The following REPS1 variants were observed in gnomAD, a reference collection of about 807,000 sequenced individuals.
REPS1 encodes the protein ralBP1-associated Eps domain-containing protein 1.
Under a neutral mutation model 100.9 loss-of-function variants are expected in REPS1, and 39 were observed. The observed-to-expected ratio is 0.39, with a 90% CI of 0.30 to 0.50. The LOEUF (loss-of-function observed/expected upper bound fraction) is 0.50. Among genes scored for constraint, REPS1 ranks in the 20% least tolerant of loss-of-function variants. REPS1 has a pLI of 0.86. For missense variants in REPS1, 821 were observed against 968.5 expected (o/e 0.85, Z 2.02); for synonymous variants, 324 against 340.3 (o/e 0.95, Z 0.53).
rs1047870020 is a variant in REPS1 at position 138,926,656 on chromosome 6, T to C, written c.1258-175A>G. 7.1e-6 allele frequency: 4 copies of C among 564,232 alleles called. No homozygotes were observed. In the East Asian group the frequency reaches 1.2e-4, roughly 17 times the overall value. 35.0% of individuals were successfully genotyped at this position (564,232 alleles called of 1,614,324 possible). A position where few individuals can be genotyped will look rare whatever the true frequency, so the allele number is the denominator to read the frequency against. ...ACATTTTATATTTATTCTGGGTCACTTGTAATGTAAGGTGAGGAGTTCACA... is the reference window on the plus strand; with the variant it reads ...ACATTTTATATTTATTCTGGGTCACCTGTAATGTAAGGTGAGGAGTTCACA... On this transcript the variant is annotated intron_variant, in intron 9 of 19. Coordinates refer to ENST00000450536, the MANE Select transcript of REPS1 (RefSeq NM_001286611.2).
At chr6:138,983,927 T>C (rs1400613830) in intron 1 of REPS1, among the ~76,000 whole-genome samples, 1 of 152,202 alleles carries the variant, frequency 6.6e-6, no homozygotes, top group African/African-American at 2.4e-5. Context: ...CATTGTCTCT[T>C]TTAAAAAGTA....
intron 8 of REPS1, among the ~76,000 whole-genome samples, chr6:138,936,624 G>C (rs900320927): frequency 8.8e-5 from 12 of 135,800 alleles, no homozygotes; most frequent in African/African-American, 2.2e-4. Context: ...AGTATGTTTG[G>C]GGGGGGGTAG....
At position 138,947,035 on chromosome 6, in the gene REPS1, G is replaced by GCTCTCTCTCT. The variant is rs10581264; in HGVS notation, c.277+745_277+754dup. Among the ~76,000 whole-genome samples, 335 of 137,684 alleles carry GCTCTCTCTCT rather than the reference G, an allele frequency of 2.4e-3. 2 individuals carry two copies. The highest frequency in any genetic ancestry group is 7.5e-3 in the Middle Eastern group (2 of 266). 90.3% of individuals were successfully genotyped at this position (137,684 alleles called of 152,430 possible). ...TAAATGTCTGTGGCTATTCCCCCTT[G>GCTCTCTCTCT]CTCTCTCTCTCTCTCTCTCTCTCTC... On this transcript the variant is annotated intron_variant, in intron 2 of 19. Coordinates refer to ENST00000450536, the MANE Select transcript of REPS1 (RefSeq NM_001286611.2).
chr6:138,964,920 T>G (rs1026443291), intron 1 of REPS1, among the ~76,000 whole-genome samples: 1 of 152,134 alleles, frequency 6.6e-6, no homozygotes, highest in African/African-American at 2.4e-5. Flanking sequence ...TCACTCTATC[T>G]GCTATAGAAG....
chr6:138,980,517 T>C (rs1431782723), intron 1 of REPS1, among the ~76,000 whole-genome samples: 1 of 151,726 alleles, frequency 6.6e-6, no homozygotes, highest in African/African-American at 2.4e-5. Context: ...CCCAGTTCTC[T>C]CTATATGAAA....
At chr6:138,985,129 T>C (rs906942790) in intron 1 of REPS1, among the ~76,000 whole-genome samples, 2 of 152,206 alleles carry the variant, frequency 1.3e-5, no homozygotes, top group African/African-American at 4.8e-5. Context: ...TATTCTGTTA[T>C]CCCGAAAACA....
chr6:138,914,360 A>G (rs891382022), intron 15 of REPS1, among the ~76,000 whole-genome samples: 4 of 152,318 alleles, frequency 2.6e-5, no homozygotes, highest in African/African-American at 4.8e-5. Flanking sequence ...GGTGTGAACC[A>G]CTGCACCCAG....
chr6:138,921,814 G>A (rs1780782864), intron 10 of REPS1, among the ~76,000 whole-genome samples: 1 of 151,862 alleles, frequency 6.6e-6, no homozygotes, highest in Admixed American at 6.6e-5. Context: ...CTGACCTTGT[G>A]ATCCGCCCGC....
intron 1 of REPS1, among the ~76,000 whole-genome samples, chr6:138,948,140 G>A (rs1015097698): frequency 1.6e-4 from 25 of 152,098 alleles, no homozygotes; most frequent in African/African-American, 6.0e-4. Context: ...AAATCCATAT[G>A]ATTAGCAATT....
At chr6:138,926,295 C>T (rs566135413) in intron 10 of REPS1, 106 bp downstream of exon 10, 92 of 814,688 alleles carry the variant, frequency 1.1e-4, no homozygotes, top group Non-Finnish European at 1.8e-4. Context: ...CGCCACTTCC[C>T]TCTAAGCACT....
In REPS1 at chr6:138,934,882, A is replaced by T. The variant is rs535222432; in HGVS notation, c.1136-4784T>A. Among the ~76,000 whole-genome samples, 3 of 152,364 alleles carry T rather than the reference A, an allele frequency of 2.0e-5. No individual in the cohort carries two copies. In the South Asian group the frequency reaches 6.2e-4, roughly 32 times the overall value. On this transcript the variant is annotated intron_variant, in intron 8 of 19. Coordinates refer to ENST00000450536, the MANE Select transcript of REPS1 (RefSeq NM_001286611.2). ...AGAGTATTATTCTTGTAAGAAAAAAATACGGAAAATGAAAAACAATCGAGT... is the reference window on the plus strand; with the variant it reads ...AGAGTATTATTCTTGTAAGAAAAAATTACGGAAAATGAAAAACAATCGAGT...
At chr6:138,979,259 C>G (rs1784798060) in intron 1 of REPS1, among the ~76,000 whole-genome samples, 1 of 150,892 alleles carries the variant, frequency 6.6e-6, no homozygotes, top group East Asian at 1.9e-4. Flanking sequence ...AGTCAGGATC[C>G]TGACCACTCC....
chr6:138,984,090 T>C (rs964411893), intron 1 of REPS1, among the ~76,000 whole-genome samples: 4 of 150,648 alleles, frequency 2.7e-5, no homozygotes, highest in African/African-American at 9.8e-5. Flanking sequence ...TTTTTTTTTT[T>C]TTTTTTTGAG....
intron 1 of REPS1, among the ~76,000 whole-genome samples, chr6:138,967,521 T>C (rs1674808689): frequency 6.6e-6 from 1 of 152,218 alleles, no homozygotes; most frequent in Non-Finnish European, 1.5e-5. Context: ...CTGGGATTTA[T>C]TAGTGTCTTC....
At position 138,988,094 on chromosome 6, in the gene REPS1, C is replaced by T. The variant is rs930135528; in HGVS notation, c.-412G>A. The T allele has an allele frequency of 5.0e-6, 2 of 397,960 alleles. No homozygotes were observed. Among genetic ancestry groups the T allele is most frequent in the Admixed American group, 8.8e-5 (2 of 22,678 alleles). The allele number at this position is 397,960 out of a possible 1,614,324, so 24.7% of individuals were successfully genotyped here. On this transcript the variant is annotated 5_prime_UTR_variant, in exon 1 of 20. Transcript: ENST00000450536. ...AGACTTCCCGCCTCGGCTTCCCCTT[C>T]CGTCCACGCCTCCGGAGCGGCAGCG...
At chr6:138,905,498 A>C (rs1779581566) in intron 19 of REPS1, among the ~76,000 whole-genome samples, 1 of 147,564 alleles carries the variant, frequency 6.8e-6, no homozygotes, top group Non-Finnish European at 1.5e-5. Flanking sequence ...TCACCTTGTT[A>C]GCCAGGATGG....
intron 16 of REPS1, 91 bp downstream of exon 16, chr6:138,912,674 C>A: frequency 8.2e-7 from 1 of 1,212,644 alleles, no homozygotes; most frequent in Non-Finnish European, 1.2e-6. Context: ...ATTTTACTCA[C>A]TGATGTCCCC....
At chr6:138,960,950 C>T (rs1484406852) in intron 1 of REPS1, among the ~76,000 whole-genome samples, 3 of 152,252 alleles carry the variant, frequency 2.0e-5, no homozygotes, top group East Asian at 1.9e-4. Context: ...CATTGGAAAG[C>T]GTGAATTTTA....
At chr6:138,933,878 T>C (rs565671252) in intron 8 of REPS1, among the ~76,000 whole-genome samples, 37 of 152,198 alleles carry the variant, frequency 2.4e-4, no homozygotes, top group Non-Finnish European at 4.4e-4. Flanking sequence ...ATTTTAAGAA[T>C]GCCTAAAGGG....
Sources: allele counts gnomAD v4.1 joint callset (sites outside exome capture counted in the v4.1 genomes callset), GRCh38; gene constraint gnomAD v4.1.1; transcripts MANE v1.5; gene names NCBI Gene and HGNC (gene_info 2026-07-23, HGNC 2026-07-21).